Variants in LRRN2 observed in about 807,000 individuals in gnomAD.
LRRN2 encodes the protein leucine-rich repeat neuronal protein 2.
LRRN2 carries 10 observed loss-of-function variants against 35.7 expected under a neutral mutation model. The observed-to-expected ratio is 0.28, with a 90% CI of 0.17 to 0.47. LRRN2 has a LOEUF of 0.47. Ranked by LOEUF, LRRN2 falls within the 20% of genes least tolerant of loss-of-function variation. The pLI is 0.99. For missense variants in LRRN2, 731 were observed against 940.3 expected, an observed-to-expected ratio of 0.78 and a Z score of 2.91; for synonymous variants, 391 against 409.6, an observed-to-expected ratio of 0.95 and a Z score of 0.55.
intron 1 of LRRN2, among the ~76,000 whole-genome samples, chr1:204,651,024 T>C (rs142572222): frequency 3.6e-4 from 54 of 152,042 alleles, no homozygotes; most frequent in African/African-American, 1.3e-3. Context: ...TCTTGGATTA[T>C]CTGAGTAGGA....
intron 1 of LRRN2, among the ~76,000 whole-genome samples, chr1:204,637,849 A>G (rs1432018880): frequency 6.6e-6 from 1 of 152,208 alleles, no homozygotes; most frequent in East Asian, 1.9e-4. Context: ...TTGTGCTCCC[A>G]TCGCAAAGCA....
chr1:204,672,550 G>A (rs1044972115), intron 1 of LRRN2, among the ~76,000 whole-genome samples: 3 of 152,310 alleles, frequency 2.0e-5, no homozygotes, highest in Non-Finnish European at 2.9e-5. Flanking sequence ...TATCTCTGAC[G>A]TTCTGTTTGC....
intron 1 of LRRN2, among the ~76,000 whole-genome samples, chr1:204,637,646 GTGTGTGTGTGTGTGTGTGT>G (rs1667866775): frequency 1.6e-4 from 3 of 18,534 alleles, no homozygotes; most frequent in African/African-American, 1.0e-3. Flanking sequence ...AGCACGTGAC[GTGTGTGTGTGTGTGTGTGT>G]GTGTGTGTGT....
At chr1:204,660,121 C>T (rs541009919) in intron 1 of LRRN2, among the ~76,000 whole-genome samples, 60 of 152,348 alleles carry the variant, frequency 3.9e-4, no homozygotes, top group Admixed American at 2.5e-3. Context: ...TCTTCCTGGT[C>T]CAGGGGGTGA....
chr1:204,635,424 G>A (rs1244458752), intron 1 of LRRN2, among the ~76,000 whole-genome samples: 5 of 152,110 alleles, frequency 3.3e-5, no homozygotes, highest in Non-Finnish European at 4.4e-5. Flanking sequence ...TGTCATCCTA[G>A]CTCATGGAGA....
chr1:204,637,078 A>G (rs1160705860), intron 1 of LRRN2, among the ~76,000 whole-genome samples: 1 of 152,204 alleles, frequency 6.6e-6, no homozygotes, highest in Admixed American at 6.5e-5. Flanking sequence ...GGTTAATGGT[A>G]GAGTCTAGGT....
In LRRN2 at chr1:204,619,077, G is replaced by A; in HGVS notation, c.916C>T (p.Leu306=). The change falls in exon 2 of 2, where the codon CTG becomes TTG. Residue 306 remains leucine, a synonymous_variant. Transcript: ENST00000367177. Reference sequence around the variant, plus strand: ...TTGGTCAGCTCGGGGAGGTTCACCAGGGCAAACTTGTCGATGGAGACCAGC... The same window carrying A: ...TTGGTCAGCTCGGGGAGGTTCACCAAGGCAAACTTGTCGATGGAGACCAGC... The part of the protein sequence containing the change: ...EELVSIDKFA[L]VNLPELTKLD... 1 of 1,606,866 alleles carries A rather than the reference G, an allele frequency of 6.2e-7. No homozygotes were observed. Among genetic ancestry groups the A allele is most frequent in the Non-Finnish European group, 8.5e-7 (1 of 1,175,486 alleles).
intron 1 of LRRN2, among the ~76,000 whole-genome samples, chr1:204,625,538 A>G (rs1667280270): frequency 1.3e-5 from 2 of 152,192 alleles, no homozygotes; most frequent in Non-Finnish European, 2.9e-5. Context: ...GTACAAGTAC[A>G]ACCACCACCC....
In LRRN2 at chr1:204,617,980, G is replaced by T. The variant is rs115026962; in HGVS notation, c.2013C>A (p.Phe671Leu). The T allele has an allele frequency of 3.1e-6, 5 of 1,613,730 alleles. No homozygotes were observed. Among genetic ancestry groups the T allele is most frequent in the Non-Finnish European group, 4.2e-6 (5 of 1,179,932 alleles). ...GGACAGAAGGGGCACTCCAGCCCCA[G>T]AAAGCCCAGGCTGGAGGGAGAGGCC... ...GRRPLPPAWA[F>L]WGWSAPSVRV... is the part of the protein sequence containing the mutation. The change falls in exon 2 of 2, where the codon TTC becomes TTA. Residue 671 changes from phenylalanine (F) to leucine (L), a missense_variant. Around this residue, in one of 3 missense-constraint regions of LRRN2, gnomAD observed 229 missense variants for 258.4 expected, o/e 0.89. Coordinates refer to ENST00000367177, the MANE Select transcript of LRRN2 (RefSeq NM_201630.2).
chr1:204,617,997 G>A lies in LRRN2; in HGVS notation c.1996C>T (p.Pro666Ser). The change falls in exon 2 of 2, where the codon CCT becomes TCT. Residue 666 changes from proline (P) to serine (S), a missense_variant. Transcript: ENST00000367177. The stretch of plus-strand genomic sequence containing the variant: ...CAGCCCCAGAAAGCCCAGGCTGGAG[G>A]GAGAGGCCGCCTCCCACCCACACCC... Reference protein sequence around the residue: ...RKGVGGRRPLPPAWAFWGWSA... With the variant: ...RKGVGGRRPLSPAWAFWGWSA... The A allele has an allele frequency of 6.2e-7, 1 of 1,613,098 alleles. No individual in the cohort carries two copies. The highest frequency in any genetic ancestry group is 8.5e-7 in the Non-Finnish European group (1 of 1,179,622).
intron 1 of LRRN2, among the ~76,000 whole-genome samples, chr1:204,676,234 G>A (rs1300788534): frequency 6.6e-6 from 1 of 152,102 alleles, no homozygotes. Context: ...TCATAAAGGT[G>A]AGATAGCATC....
At position 204,619,457 on chromosome 1, in the gene LRRN2, G is replaced by A. The variant is rs1195573701; in HGVS notation, c.536C>T (p.Ala179Val). The A allele has an allele frequency of 1.2e-6, 2 of 1,614,108 alleles. No homozygotes were observed. Among genetic ancestry groups the A allele is most frequent in the Non-Finnish European group, 1.7e-6 (2 of 1,180,048 alleles). Reference sequence around the variant, plus strand: ...CATTTCAAACCAGCGGCTGTCAATGGCCCTCAGGAGGTTGGAGTTGAGGTG... The same window carrying A: ...CATTTCAAACCAGCGGCTGTCAATGACCCTCAGGAGGTTGGAGTTGAGGTG... ...RLHLNSNLLRAIDSRWFEMLP... is the reference protein window; with the variant it reads ...RLHLNSNLLRVIDSRWFEMLP... Residue 179 changes from alanine to valine, a missense_variant, in exon 2 of 2, where the codon GCC becomes GTC. Coordinates refer to ENST00000367177, the MANE Select transcript of LRRN2 (RefSeq NM_201630.2).
In LRRN2 at chr1:204,619,213, C is replaced by A. The variant is rs1028472777; in HGVS notation, c.780G>T (p.Val260=). ...ARVPRRALEQ[V]PGLKFLDLNK... The stretch of plus-strand genomic sequence containing the variant: ...TGAGGTCTAGGAACTTGAGCCCGGG[C>A]ACCTGTTCCAGTGCCCGCCTGGGCA... Residue 260 remains valine, a synonymous_variant, in exon 2 of 2, where the codon GTG becomes GTT. Transcript: ENST00000367177. 6.2e-6 allele frequency: 10 copies of A among 1,613,968 alleles called. No homozygotes were observed. The highest frequency in any genetic ancestry group is 7.6e-6 in the Non-Finnish European group (9 of 1,180,040).
intron 1 of LRRN2, among the ~76,000 whole-genome samples, chr1:204,673,239 A>G (rs561614876): frequency 2.1e-4 from 32 of 152,368 alleles, no homozygotes; most frequent in African/African-American, 7.2e-4. Flanking sequence ...TTTAAAAAAC[A>G]ATACCCTACC....
intron 1 of LRRN2, among the ~76,000 whole-genome samples, chr1:204,623,184 C>T (rs911518523): frequency 2.2e-4 from 34 of 152,290 alleles, no homozygotes; most frequent in African/African-American, 7.9e-4. Context: ...GAGGGGTCTT[C>T]AGCTGGGCCC....
At chr1:204,631,256 C>CTACATATATATATATA (rs1667686630) in intron 1 of LRRN2, among the ~76,000 whole-genome samples, 2 of 36,910 alleles carry the variant, frequency 5.4e-5, no homozygotes, top group Non-Finnish European at 1.0e-4. Flanking sequence ...CTAGAGTGTT[C>CTACATATATATATATA]TATATATATA....
intron 1 of LRRN2, among the ~76,000 whole-genome samples, chr1:204,667,369 T>C (rs1668595537): frequency 6.6e-6 from 1 of 152,188 alleles, no homozygotes; most frequent in Non-Finnish European, 1.5e-5. Flanking sequence ...AATCCATACT[T>C]TTTTTAAAAG....
chr1:204,665,633 C>T (rs184244133), intron 1 of LRRN2, among the ~76,000 whole-genome samples: 2 of 152,348 alleles, frequency 1.3e-5, no homozygotes, highest in Admixed American at 1.3e-4. Flanking sequence ...CACTTATCTC[C>T]AATGTGTCCC....
At chr1:204,682,985 G>C (rs1668987274) in intron 1 of LRRN2, 1 of 152,246 alleles carries the variant, frequency 6.6e-6, no homozygotes, top group Admixed American at 6.5e-5. Flanking sequence ...GTTTACCGCT[G>C]TATCTTCAGC....
Sources: allele counts gnomAD v4.1 joint callset (sites outside exome capture counted in the v4.1 genomes callset), GRCh38; gene constraint gnomAD v4.1.1; regional missense constraint gnomAD v4.1.1; transcripts MANE v1.5; gene names NCBI Gene and HGNC (gene_info 2026-07-23, HGNC 2026-07-21).